The following PTPRM variants were observed in gnomAD, a reference collection of about 807,000 sequenced individuals.
PTPRM encodes receptor-type tyrosine-protein phosphatase mu.
Under a neutral mutation model 186.7 loss-of-function variants are expected in PTPRM, and 47 were observed. The ratio of observed to expected loss-of-function variants is 0.25; its 90% CI spans 0.20 to 0.32. The LOEUF (loss-of-function observed/expected upper bound fraction) is 0.32. Among genes scored for constraint, PTPRM ranks in the 10% least tolerant of loss-of-function variants. The pLI is 1.00. For synonymous variants in PTPRM, 668 were observed against 674.9 expected (o/e 0.99, Z 0.16); for missense variants, 1,494 against 1,865.0 (o/e 0.80, Z 3.66).
At chr18:8,060,919 A>T (rs1467690823) in intron 7 of PTPRM, among the ~76,000 whole-genome samples, 706 of 55,576 alleles carry the variant, frequency 0.013, 227 homozygotes, top group African/African-American at 0.057. Flanking sequence ...GTGCTGAAAA[A>T]AACGTATATT....
At chr18:7,586,288 C>T (rs2036977465) in intron 1 of PTPRM, among the ~76,000 whole-genome samples, 1 of 152,096 alleles carries the variant, frequency 6.6e-6, no homozygotes, top group Non-Finnish European at 1.5e-5. Flanking sequence ...GTTGGTTAGT[C>T]AGGAGTCCAC....
intron 1 of PTPRM, among the ~76,000 whole-genome samples, chr18:7,578,397 G>A (rs1317532239): frequency 2.7e-5 from 4 of 147,978 alleles, no homozygotes; most frequent in East Asian, 4.0e-4. Flanking sequence ...GTACAATGGC[G>A]TGATCTTGGC....
At chr18:8,231,802 TG>T (rs1250919452) in intron 14 of PTPRM, among the ~76,000 whole-genome samples, 1 of 152,214 alleles carries the variant, frequency 6.6e-6, no homozygotes, top group East Asian at 1.9e-4. Context: ...GAGCAGTTTT[TG>T]TTTCACCACA....
At chr18:8,406,064 C>T (rs753400407) in intron 32 of PTPRM, 45 bp from the exon 33 acceptor site, 2 of 1,558,034 alleles carry the variant, frequency 1.3e-6, no homozygotes, top group Non-Finnish European at 8.9e-7. Flanking sequence ...CTAGGAACAG[C>T]GTTGAGATAT....
At chr18:8,210,675 G>A (rs1478285062) in intron 14 of PTPRM, among the ~76,000 whole-genome samples, 3 of 152,192 alleles carry the variant, frequency 2.0e-5, no homozygotes, top group African/African-American at 4.8e-5. Context: ...GAGTTCAAAG[G>A]AGAGATCTGG....
intron 14 of PTPRM, among the ~76,000 whole-genome samples, chr18:8,200,085 A>G (rs975756514): frequency 2.6e-4 from 39 of 152,194 alleles, no homozygotes; most frequent in African/African-American, 9.4e-4. Context: ...CAGACTATTC[A>G]CAGAGCTTTG....
At chr18:7,652,538 T>TGTGGC (rs1218762939) in intron 1 of PTPRM, among the ~76,000 whole-genome samples, 1 of 151,562 alleles carries the variant, frequency 6.6e-6, no homozygotes. Flanking sequence ...ATTAAGAAAA[T>TGTGGC]GTGGCACATA....
chr18:8,031,043 C>A (rs1238008930), intron 7 of PTPRM, among the ~76,000 whole-genome samples: 2 of 152,262 alleles, frequency 1.3e-5, no homozygotes, highest in African/African-American at 4.8e-5. Flanking sequence ...TTACTCCCTC[C>A]TTGGAAAACG....
intron 1 of PTPRM, among the ~76,000 whole-genome samples, chr18:7,648,624 A>T (rs934141271): frequency 1.3e-5 from 2 of 152,222 alleles, no homozygotes; most frequent in African/African-American, 4.8e-5. Flanking sequence ...TGAATAGAAG[A>T]TTAGATCAGG....
At chr18:8,237,595 TG>T (rs2094361530) in intron 14 of PTPRM, among the ~76,000 whole-genome samples, 2 of 151,908 alleles carry the variant, frequency 1.3e-5, no homozygotes, top group South Asian at 4.2e-4. Context: ...ATTACAAGCA[TG>T]CGCCACCATG....
At chr18:8,356,777 G>A (rs2095565698) in intron 23 of PTPRM, among the ~76,000 whole-genome samples, 3 of 152,124 alleles carry the variant, frequency 2.0e-5, no homozygotes, top group South Asian at 2.1e-4. Context: ...AATCCTCCAG[G>A]TACTAGTGGC....
intron 1 of PTPRM, among the ~76,000 whole-genome samples, chr18:7,694,653 C>G (rs988718541): frequency 9.9e-5 from 15 of 151,704 alleles, no homozygotes; most frequent in African/African-American, 3.4e-4. Context: ...TCTTGAACCC[C>G]TGACCTTAGG....
chr18:8,049,710 G>T (rs1176845359), intron 7 of PTPRM, among the ~76,000 whole-genome samples: 41 of 146,020 alleles, frequency 2.8e-4, no homozygotes, highest in Admixed American at 1.5e-3. Context: ...AGTCTGTGAG[G>T]TTTTTTTTTT....
At chr18:7,835,431 TG>T (rs1246061251) in intron 2 of PTPRM, among the ~76,000 whole-genome samples, 1 of 152,122 alleles carries the variant, frequency 6.6e-6, no homozygotes, top group Non-Finnish European at 1.5e-5. Context: ...TATCCCATTG[TG>T]GTCAGGGAAG....
intron 1 of PTPRM, among the ~76,000 whole-genome samples, chr18:7,692,669 C>A (rs1006288882): frequency 1.3e-5 from 2 of 152,160 alleles, no homozygotes; most frequent in Non-Finnish European, 2.9e-5. Context: ...CCTTGGATGA[C>A]TGCTACTATA....
intron 2 of PTPRM, among the ~76,000 whole-genome samples, chr18:7,827,264 TTCAA>T (rs1204729106): frequency 3.3e-5 from 5 of 152,232 alleles, no homozygotes; most frequent in African/African-American, 1.2e-4. Context: ...AGTACTTTCC[TTCAA>T]TCATACATCA....
At chr18:7,768,317 C>G (rs1195070408) in intron 1 of PTPRM, among the ~76,000 whole-genome samples, 1 of 151,914 alleles carries the variant, frequency 6.6e-6, no homozygotes, top group Non-Finnish European at 1.5e-5. Context: ...ATAGGGAGAT[C>G]TCGTCTCTAT....
intron 14 of PTPRM, among the ~76,000 whole-genome samples, chr18:8,243,305 A>G (rs1291805708): frequency 2.0e-5 from 3 of 152,192 alleles, no homozygotes; most frequent in Admixed American, 1.3e-4. Flanking sequence ...AGAGGGAACA[A>G]AGAAGCCTTA....
At chr18:7,859,497 C>A (rs1434958697) in intron 2 of PTPRM, among the ~76,000 whole-genome samples, 1 of 152,234 alleles carries the variant, frequency 6.6e-6, no homozygotes, top group Admixed American at 6.5e-5. Flanking sequence ...GGCATTACTG[C>A]CTGGCACCTG....
Sources: gnomAD v4.1 joint callset for allele counts (sites outside exome capture counted in the v4.1 genomes callset) on GRCh38, gnomAD v4.1.1 for gene constraint, MANE v1.5 for transcripts, NCBI Gene and HGNC (gene_info 2026-07-23, HGNC 2026-07-21) for gene names.